Variants in VAMP7 observed in about 807,000 individuals in gnomAD.
VAMP7 encodes the protein vesicle associated membrane protein 7.
Under a neutral mutation model 29.6 loss-of-function variants are expected in VAMP7, and 14 were observed. That is an observed-to-expected ratio of 0.47 (90% CI 0.31 to 0.74). The LOEUF (loss-of-function observed/expected upper bound fraction) is 0.74, where lower values mean the gene tolerates loss of function less well. VAMP7 is among the 30% of genes least tolerant of loss of function. The pLI, the probability that VAMP7 is intolerant of heterozygous loss-of-function variation, is 0.05. For synonymous variants in VAMP7, 95 were observed against 88.1 expected, an observed-to-expected ratio of 1.08 and a Z score of -0.44; for missense variants, 223 against 262.4, an observed-to-expected ratio of 0.85 and a Z score of 1.04.
intron 4 of VAMP7, among the ~76,000 whole-genome samples, chrX:155,899,324 G>A (rs2066028457): frequency 6.6e-6 from 1 of 151,926 alleles, no homozygotes; most frequent in East Asian, 1.9e-4. Context: ...CATTCCAGTT[G>A]ATGTGTAATG....
Position 155,938,498 on chromosome X carries a change from CTTG to C in VAMP7, c.502-1198_502-1196del, listed in dbSNP as rs758600288. Among the ~76,000 whole-genome samples, 8 of 152,256 alleles carry C rather than the reference CTTG, an allele frequency of 5.3e-5. No individual in the cohort carries two copies. In the East Asian group the frequency reaches 1.5e-3, roughly 29 times the overall value. ...AAGTGCATCAACTGTAAGCATACAA[CTTG>C]TTGTGTTTTCACAAAGTAAACATAC... On this transcript the variant is annotated intron_variant, in intron 6 of 7. Transcript: ENST00000286448.
At position 155,898,187 on chromosome X, in the gene VAMP7, G is replaced by A; in HGVS notation, c.280G>A (p.Ala94Thr). Residue 94 changes from alanine to threonine, a missense_variant, in exon 4 of 8, where the codon GCA becomes ACA. Ala to Thr is a moderately conservative substitution (Grantham distance 58). Transcript: ENST00000286448. ...KRFQTTYGSR[A>T]QTALPYAMNS... ...GTTCCAGACTACTTACGGTTCAAGA[G>A]CACAGACAGCACTTCCATATGCCAT... 2 of 1,613,614 alleles carry A rather than the reference G, an allele frequency of 1.2e-6. No individual in the cohort carries two copies. The highest frequency in any genetic ancestry group is 1.7e-6 in the Non-Finnish European group (2 of 1,179,634).
rs192817973 is a variant in VAMP7 at position 155,942,038 on chromosome X, A to G, written c.*87A>G. 2.1e-4 allele frequency: 334 copies of G among 1,610,884 alleles called. 1 individual carries two copies. In the East Asian group the frequency reaches 5.3e-3, roughly 26 times the overall value. On this transcript the variant is annotated 3_prime_UTR_variant, in exon 8 of 8. Coordinates refer to ENST00000286448, the MANE Select transcript of VAMP7 (RefSeq NM_005638.6). Reference sequence around the variant, plus strand: ...TGACTCAAGCCTTTCACATACTGACAGATGGTATCTGCCAGTCTCTTCAAC... The same window carrying G: ...TGACTCAAGCCTTTCACATACTGACGGATGGTATCTGCCAGTCTCTTCAAC...
At chrX:155,888,906 A>T (rs1466904639) in intron 1 of VAMP7, among the ~76,000 whole-genome samples, 1 of 152,208 alleles carries the variant, frequency 6.6e-6, no homozygotes, top group Non-Finnish European at 1.5e-5. Context: ...GAAGTATCAT[A>T]ATAGTGTATA....
intron 5 of VAMP7, among the ~76,000 whole-genome samples, chrX:155,910,485 C>G (rs2066221191): frequency 6.6e-6 from 1 of 152,000 alleles, no homozygotes; most frequent in Non-Finnish European, 1.5e-5. Flanking sequence ...AGTAGGATTG[C>G]TGGATCATAT....
rs745860800 is a variant in VAMP7 at position 155,941,953 on chromosome X, AAAG to A, written c.*9_*11del. 93 of 1,613,704 alleles carry A rather than the reference AAAG, an allele frequency of 5.8e-5. No individual in the cohort carries two copies. The highest frequency in any genetic ancestry group is 1.8e-4 in the South Asian group (16 of 91,054). ...TGGCCAAGCTGTGTGAAGAAATAGGAAAGAAGAAGTTACCATTAACCAAGGATA... is the reference window on the plus strand; with the variant it reads ...TGGCCAAGCTGTGTGAAGAAATAGGAAAGAAGTTACCATTAACCAAGGATA... On this transcript the variant is annotated 3_prime_UTR_variant, in exon 8 of 8. Transcript: ENST00000286448.
intron 7 of VAMP7, among the ~76,000 whole-genome samples, chrX:155,941,349 C>A (rs1215303200): frequency 2.6e-5 from 4 of 152,042 alleles, no homozygotes; most frequent in Non-Finnish European, 5.9e-5. Flanking sequence ...ATCTGCTTTT[C>A]ATTGTTTTGG....
chrX:155,919,953 G>T, intron 6 of VAMP7, 73 bp downstream of exon 6: 5 of 1,181,464 alleles, frequency 4.2e-6, no homozygotes, highest in Non-Finnish European at 6.1e-6. Context: ...AACATAATTG[G>T]GAAATACCTT....
intron 5 of VAMP7, among the ~76,000 whole-genome samples, chrX:155,902,950 G>A (rs1462977860): frequency 6.6e-6 from 1 of 151,678 alleles, no homozygotes; most frequent in Non-Finnish European, 1.5e-5. Context: ...AATGGTACCA[G>A]TTCCTCCTTG....
intron 4 of VAMP7, among the ~76,000 whole-genome samples, chrX:155,898,657 T>G (rs1019438623): frequency 6.6e-6 from 1 of 152,054 alleles, no homozygotes; most frequent in African/African-American, 2.4e-5. Context: ...GAATCCCTAA[T>G]TGTCAGCTTA....
At chrX:155,932,624 T>A in intron 6 of VAMP7, among the ~76,000 whole-genome samples, 1 of 152,314 alleles carries the variant, frequency 6.6e-6, no homozygotes, top group East Asian at 1.9e-4. Context: ...AATGGGGTTT[T>A]CTAGATATAC....
intron 6 of VAMP7, among the ~76,000 whole-genome samples, chrX:155,926,958 G>T (rs1156970506): frequency 6.6e-6 from 1 of 152,106 alleles, no homozygotes; most frequent in Admixed American, 6.6e-5. Flanking sequence ...TTATCCGTTA[G>T]CTCCGTCACC....
chrX:155,882,699 ATAT>A (rs1351874233), intron 1 of VAMP7, among the ~76,000 whole-genome samples: 2 of 152,206 alleles, frequency 1.3e-5, no homozygotes, highest in African/African-American at 4.8e-5. Flanking sequence ...GGTTGTGAAA[ATAT>A]TATTCTTACC....
intron 2 of VAMP7, 46 bp from the exon 3 acceptor site, chrX:155,895,577 G>C: frequency 7.1e-7 from 1 of 1,415,560 alleles, no homozygotes. Context: ...AAGTAAAAGT[G>C]ATGTTGCTTA....
intron 6 of VAMP7, among the ~76,000 whole-genome samples, chrX:155,920,355 A>G (rs2066377683): frequency 6.6e-6 from 1 of 152,190 alleles, no homozygotes; most frequent in Non-Finnish European, 1.5e-5. Flanking sequence ...TAAAGGAGAC[A>G]ATGTGTCCTT....
intron 1 of VAMP7, among the ~76,000 whole-genome samples, chrX:155,886,271 C>T (rs759589338): frequency 7.6e-4 from 115 of 152,180 alleles, no homozygotes; most frequent in African/African-American, 2.6e-3. Context: ...CTCATCAAGA[C>T]GTTATGGATT....
chrX:155,941,927 A>G lies in VAMP7; in HGVS notation c.639A>G (p.Thr213=), dbSNP rs2066749446. The change falls in exon 8 of 8, where the codon ACA becomes ACG. Residue 213 remains threonine (T), a synonymous_variant. Transcript: ENST00000286448. Reference sequence around the variant, plus strand: ...TTTCACCTCTCTGTGGTGGATTTACATGGCCAAGCTGTGTGAAGAAATAGG... The same window carrying G: ...TTTCACCTCTCTGTGGTGGATTTACGTGGCCAAGCTGTGTGAAGAAATAGG... The part of the protein sequence containing the change: ...IIVSPLCGGF[T]WPSCVKK The G allele has an allele frequency of 3.7e-6, 6 of 1,613,688 alleles. No homozygotes were observed. Among genetic ancestry groups the G allele is most frequent in the South Asian group, 2.2e-5 (2 of 91,046 alleles).
intron 5 of VAMP7, among the ~76,000 whole-genome samples, chrX:155,914,422 G>A (rs2066281883): frequency 6.6e-6 from 1 of 152,136 alleles, no homozygotes; most frequent in Non-Finnish European, 1.5e-5. Context: ...GTGAGGGAGG[G>A]CATCCTTGTC....
intron 5 of VAMP7, among the ~76,000 whole-genome samples, chrX:155,908,241 C>G (rs1195607307): frequency 6.6e-6 from 1 of 152,110 alleles, no homozygotes; most frequent in African/African-American, 2.4e-5. Context: ...GAGCCGAGAT[C>G]GCGCCACTGC....
Sources: gnomAD v4.1 joint callset for allele counts (sites outside exome capture counted in the v4.1 genomes callset) on GRCh38, gnomAD v4.1.1 for gene constraint, MANE v1.5 for transcripts, NCBI Gene and HGNC (gene_info 2026-07-23, HGNC 2026-07-21) for gene names.